Variants in MGAT4C observed in about 807,000 individuals in gnomAD.
MGAT4C encodes the protein alpha-1,3-mannosyl-glycoprotein 4-beta-N-acetylglucosaminyltransferase C.
Under a neutral mutation model 40.1 loss-of-function variants are expected in MGAT4C, and 19 were observed. The observed-to-expected ratio is 0.47, with a 90% CI of 0.33 to 0.70. The LOEUF is 0.70. MGAT4C is among the 30% of genes least tolerant of loss of function. The pLI is 0.02. For missense variants in MGAT4C, 491 were observed against 563.2 expected (o/e 0.87, Z 1.30); for synonymous variants, 181 against 187.1 (o/e 0.97, Z 0.27).
intron 2 of MGAT4C, among the ~76,000 whole-genome samples, chr12:86,566,259 G>A (rs1339986054): frequency 2.6e-5 from 4 of 151,806 alleles, no homozygotes; most frequent in Non-Finnish European, 4.4e-5. Flanking sequence ...GGCTGGGAAA[G>A]GGAGACCCAC....
intron 1 of MGAT4C, among the ~76,000 whole-genome samples, chr12:86,208,392 A>G (rs1315509339): frequency 6.6e-6 from 1 of 152,152 alleles, no homozygotes; most frequent in African/African-American, 2.4e-5. Flanking sequence ...GCTTGAACCC[A>G]CATGATGAAG....
intron 2 of MGAT4C, among the ~76,000 whole-genome samples, chr12:86,636,768 A>G (rs563196547): frequency 1.7e-4 from 26 of 152,088 alleles, no homozygotes; most frequent in African/African-American, 6.0e-4. Context: ...TTTATTGTCA[A>G]TCTTGTGTAA....
chr12:86,033,263 T>C (rs1446722783), intron 2 of MGAT4C, among the ~76,000 whole-genome samples: 1 of 149,642 alleles, frequency 6.7e-6, no homozygotes, highest in African/African-American at 2.4e-5. Context: ...TTTTATTTCA[T>C]ATGACTTTTC....
chr12:86,534,717 A>G (rs932960703), intron 2 of MGAT4C, among the ~76,000 whole-genome samples: 4 of 152,154 alleles, frequency 2.6e-5, no homozygotes, highest in African/African-American at 9.7e-5. Context: ...GCCCTAGAGA[A>G]TCAATCTTAC....
intron 2 of MGAT4C, among the ~76,000 whole-genome samples, chr12:86,677,816 A>C (rs1352429387): frequency 2.0e-5 from 3 of 152,172 alleles, no homozygotes; most frequent in Non-Finnish European, 4.4e-5. Context: ...TTATTAATTT[A>C]GCCATGTTAA....
chr12:86,379,978 G>A (rs1411905546), intron 3 of MGAT4C, among the ~76,000 whole-genome samples: 2 of 152,028 alleles, frequency 1.3e-5, no homozygotes, highest in Non-Finnish European at 2.9e-5. Context: ...GGCTAATAAA[G>A]CCAAGCATTA....
chr12:86,725,199 A>G (rs905102304), intron 2 of MGAT4C, among the ~76,000 whole-genome samples: 9 of 152,202 alleles, frequency 5.9e-5, no homozygotes, highest in Admixed American at 4.6e-4. Flanking sequence ...TGACTTCCTT[A>G]GAAGCTAGAG....
chr12:86,040,718 A>AAAAC (rs565158910), intron 2 of MGAT4C, among the ~76,000 whole-genome samples: 12 of 138,248 alleles, frequency 8.7e-5, no homozygotes, highest in East Asian at 3.9e-4. Context: ...GTATGGAGAA[A>AAAAC]AAACAAACAA....
chr12:86,045,644 C>A (rs909899531), intron 2 of MGAT4C, among the ~76,000 whole-genome samples: 1 of 152,162 alleles, frequency 6.6e-6, no homozygotes, highest in African/African-American at 2.4e-5. Flanking sequence ...CTTATCTGAT[C>A]TCCTACTGTC....
intron 2 of MGAT4C, among the ~76,000 whole-genome samples, chr12:86,513,847 C>A (rs1958636268): frequency 6.6e-6 from 1 of 152,000 alleles, no homozygotes; most frequent in Non-Finnish European, 1.5e-5. Context: ...GCCTTTATCC[C>A]CTCTCTTCAG....
intron 3 of MGAT4C, among the ~76,000 whole-genome samples, chr12:86,381,666 T>C (rs1477520739): frequency 1.3e-5 from 2 of 152,154 alleles, no homozygotes. Flanking sequence ...GTTAATCCAA[T>C]CAAACTGACA....
chr12:86,207,460 G>C (rs1410564062), intron 1 of MGAT4C, among the ~76,000 whole-genome samples: 1 of 151,822 alleles, frequency 6.6e-6, no homozygotes, highest in Admixed American at 6.6e-5. Context: ...CCCCCCGACA[G>C]GCCTTGTGTG....
chr12:86,683,495 T>C (rs1256000529), intron 2 of MGAT4C, among the ~76,000 whole-genome samples: 1 of 152,128 alleles, frequency 6.6e-6, no homozygotes, highest in Non-Finnish European at 1.5e-5. Context: ...AATATTGCCC[T>C]GCCATTTGAC....
chr12:86,271,273 C>T (rs1952938471), intron 4 of MGAT4C, among the ~76,000 whole-genome samples: 1 of 152,090 alleles, frequency 6.6e-6, no homozygotes, highest in Non-Finnish European at 1.5e-5. Context: ...CAACAGGGGC[C>T]TAATGTCAAG....
At chr12:86,552,608 A>G (rs544104348) in intron 2 of MGAT4C, among the ~76,000 whole-genome samples, 5 of 152,286 alleles carry the variant, frequency 3.3e-5, no homozygotes, top group Admixed American at 3.3e-4. Flanking sequence ...TATACATTAT[A>G]TGTATCAAAT....
At chr12:86,665,614 A>G (rs1223866531) in intron 2 of MGAT4C, among the ~76,000 whole-genome samples, 1 of 151,944 alleles carries the variant, frequency 6.6e-6, no homozygotes, top group Non-Finnish European at 1.5e-5. Context: ...CTCGTGATCC[A>G]CCCACCTCGG....
At chr12:86,170,495 T>G (rs1886697425) in intron 1 of MGAT4C, among the ~76,000 whole-genome samples, 2 of 152,226 alleles carry the variant, frequency 1.3e-5, no homozygotes, top group South Asian at 4.1e-4. Context: ...TATAATGTTA[T>G]GCATTAGTAC....
rs111423660 is a variant in MGAT4C, at chr12:86,514,572, T to G, written c.-228-79307A>C. On this transcript the variant is annotated intron_variant, in intron 2 of 7. Transcript: ENST00000548651. ...CCATTACTAAAACCAGCAAAATATGTTTCAGTTTTTCTCATGCTGCTAAAT... is the reference window on the plus strand; with the variant it reads ...CCATTACTAAAACCAGCAAAATATGGTTCAGTTTTTCTCATGCTGCTAAAT... 3.4e-3 allele frequency among the ~76,000 whole-genome samples: 510 copies of G among 152,234 alleles called. 1 individual carries two copies. Among genetic ancestry groups the G allele is most frequent in the African/African-American group, 0.012 (492 of 41,536 alleles).
intron 2 of MGAT4C, among the ~76,000 whole-genome samples, chr12:86,506,857 G>A (rs539154341): frequency 6.6e-6 from 1 of 152,124 alleles, no homozygotes; most frequent in African/African-American, 2.4e-5. Context: ...GCAGAAAGAA[G>A]GGGTAAGGCT....
Sources: allele counts gnomAD v4.1 joint callset (sites outside exome capture counted in the v4.1 genomes callset), GRCh38; gene constraint gnomAD v4.1.1; transcripts MANE v1.5; gene names NCBI Gene and HGNC (gene_info 2026-07-23, HGNC 2026-07-21).